ANO10: variants seen among roughly 807,000 people sequenced by gnomAD.
The protein encoded by ANO10 is anoctamin-10.
In ANO10, 77 loss-of-function variants were observed where a neutral mutation model predicts 74.7. The ratio of observed to expected loss-of-function variants is 1.03; its 90% CI spans 0.86 to 1.25. ANO10 has a LOEUF of 1.25. ANO10 is among the 50% of genes most tolerant of loss of function. The pLI, the probability that ANO10 is intolerant of heterozygous loss-of-function variation, is 0.00. For synonymous variants in ANO10, 279 were observed against 284.9 expected, an observed-to-expected ratio of 0.98 and a Z score of 0.21; for missense variants, 721 against 778.1, an observed-to-expected ratio of 0.93 and a Z score of 0.87.
chr3:43,639,401 T>C (rs1226540856), intron 1 of ANO10, among the ~76,000 whole-genome samples: 1 of 152,220 alleles, frequency 6.6e-6, no homozygotes, highest in Non-Finnish European at 1.5e-5. Flanking sequence ...TTTCTAGCAC[T>C]AATGTTTAAG....
At chr3:43,564,220 G>A (rs888049978) in intron 8 of ANO10, among the ~76,000 whole-genome samples, 38 of 152,136 alleles carry the variant, frequency 2.5e-4, no homozygotes, top group African/African-American at 8.9e-4. Context: ...ATTTGGTAGA[G>A]ACAGGATTTT....
At chr3:43,649,514 G>C (rs1006880010) in intron 1 of ANO10, among the ~76,000 whole-genome samples, 1 of 152,160 alleles carries the variant, frequency 6.6e-6, no homozygotes, top group African/African-American at 2.4e-5. Context: ...GAATTCATTG[G>C]TTATTTATAT....
intron 11 of ANO10, chr3:43,485,027 A>T: frequency 1.4e-6 from 2 of 1,452,872 alleles, no homozygotes; most frequent in African/African-American, 1.4e-5. Context: ...CTGACGGCTC[A>T]GGACCCGGTG....
intron 11 of ANO10, among the ~76,000 whole-genome samples, chr3:43,507,003 G>C (rs2077320230): frequency 6.6e-6 from 1 of 152,154 alleles, no homozygotes; most frequent in African/African-American, 2.4e-5. Context: ...GCGAAGAAAA[G>C]TGTCTCGCAT....
chr3:43,414,759 C>T (rs956597506), intron 12 of ANO10, among the ~76,000 whole-genome samples: 2 of 152,070 alleles, frequency 1.3e-5, no homozygotes, highest in African/African-American at 2.4e-5. Flanking sequence ...GTATTAAAAC[C>T]ATCCATCTCT....
chr3:43,596,008 C>T (rs1406343045), intron 4 of ANO10, among the ~76,000 whole-genome samples: 1 of 152,148 alleles, frequency 6.6e-6, no homozygotes, highest in Non-Finnish European at 1.5e-5. Context: ...AACTCCCATT[C>T]ACAGTTGCTT....
intron 1 of ANO10, among the ~76,000 whole-genome samples, chr3:43,666,050 A>G (rs1460690054): frequency 6.6e-6 from 1 of 152,216 alleles, no homozygotes; most frequent in African/African-American, 2.4e-5. Context: ...TTACATGTTA[A>G]GGAACATTTA....
chr3:43,566,496 G>A (rs1399018755), intron 7 of ANO10, among the ~76,000 whole-genome samples: 1 of 152,190 alleles, frequency 6.6e-6, no homozygotes, highest in African/African-American at 2.4e-5. Context: ...TATGAGAATG[G>A]GCAGACTGCC....
intron 2 of ANO10, among the ~76,000 whole-genome samples, chr3:43,601,314 T>C (rs749567677): frequency 2.0e-5 from 3 of 152,136 alleles, no homozygotes; most frequent in Non-Finnish European, 4.4e-5. Flanking sequence ...CAGGAGATCC[T>C]CCCACCTTTG....
intron 7 of ANO10, among the ~76,000 whole-genome samples, chr3:43,571,758 C>T (rs889173469): frequency 2.5e-4 from 37 of 149,658 alleles, no homozygotes; most frequent in East Asian, 1.2e-3. Context: ...GTGGGTGCAG[C>T]GCACCAGCAT....
intron 11 of ANO10, among the ~76,000 whole-genome samples, chr3:43,519,558 C>T (rs1286903775): frequency 2.0e-5 from 3 of 152,146 alleles, no homozygotes; most frequent in Admixed American, 6.6e-5. Flanking sequence ...CTAATTCATA[C>T]ATTTGGTTTC....
intron 11 of ANO10, among the ~76,000 whole-genome samples, chr3:43,500,707 C>T (rs2077069214): frequency 6.6e-6 from 1 of 152,198 alleles, no homozygotes; most frequent in South Asian, 2.1e-4. Flanking sequence ...CACGATTTGC[C>T]TTTTCAACCC....
intron 11 of ANO10, among the ~76,000 whole-genome samples, chr3:43,494,179 C>T (rs78690561): frequency 0.024 from 3,608 of 152,276 alleles, 146 homozygotes; most frequent in African/African-American, 0.081. Flanking sequence ...AGTGGCCAGA[C>T]GTGGTGGCTC....
intron 11 of ANO10, among the ~76,000 whole-genome samples, chr3:43,548,039 T>C (rs1267244874): frequency 6.6e-6 from 1 of 151,800 alleles, no homozygotes; most frequent in Non-Finnish European, 1.5e-5. Context: ...CCTGCTCTTG[T>C]TCTAAATTTA....
At chr3:43,667,503 A>T (rs2084006645) in intron 1 of ANO10, among the ~76,000 whole-genome samples, 1 of 151,950 alleles carries the variant, frequency 6.6e-6, no homozygotes, top group Non-Finnish European at 1.5e-5. Context: ...TAAGTTCTTT[A>T]GTGGTGATTT....
intron 11 of ANO10, among the ~76,000 whole-genome samples, chr3:43,449,075 C>T (rs547905675): frequency 6.6e-6 from 1 of 152,050 alleles, no homozygotes; most frequent in East Asian, 1.9e-4. Flanking sequence ...CTGGGTTTCA[C>T]CGTGTTAGCC....
At chr3:43,429,146 C>T (rs1048085979) in intron 12 of ANO10, among the ~76,000 whole-genome samples, 1 of 152,062 alleles carries the variant, frequency 6.6e-6, no homozygotes, top group African/African-American at 2.4e-5. Flanking sequence ...CCATGACACC[C>T]TCAATGGCAA....
chr3:43,522,927 A>T (rs2078022681), intron 11 of ANO10, among the ~76,000 whole-genome samples: 1 of 152,132 alleles, frequency 6.6e-6, no homozygotes, highest in African/African-American at 2.4e-5. Context: ...TAGGGTAAAA[A>T]ATTATTACTG....
chr3:43,382,174 G>A (rs2091978276), intron 12 of ANO10, among the ~76,000 whole-genome samples: 1 of 152,172 alleles, frequency 6.6e-6, no homozygotes, highest in Non-Finnish European at 1.5e-5. Context: ...ACATCTCAAG[G>A]AGCTAGACAA....
Sources: allele counts gnomAD v4.1 joint callset (sites outside exome capture counted in the v4.1 genomes callset), GRCh38; gene constraint gnomAD v4.1.1; transcripts MANE v1.5; gene names NCBI Gene and HGNC (gene_info 2026-07-23, HGNC 2026-07-21).